The following EBF3 variants were observed in gnomAD, a reference collection of about 807,000 sequenced individuals.
EBF3 encodes EBF transcription factor 3, also known as transcription factor COE3.
A neutral mutation model predicts 77.1 loss-of-function variants in EBF3; 18 were observed. The observed-to-expected ratio is 0.23, with a 90% CI of 0.16 to 0.35. The LOEUF is 0.35. Ranked by LOEUF, EBF3 falls within the 10% of genes least tolerant of loss-of-function variation. The probability of loss-of-function intolerance (pLI) is 1.00; values close to 1 mark genes in which losing one functional copy is unlikely to be tolerated. For missense variants in EBF3, 558 were observed against 860.0 expected (o/e 0.65, Z 4.39); for synonymous variants, 350 against 343.5 (o/e 1.02, Z -0.21).
intron 15 of EBF3, 125 bp from the exon 16 acceptor site, chr10:129,839,320 G>A (rs1219934216): frequency 7.1e-6 from 3 of 422,410 alleles, no homozygotes; most frequent in South Asian, 1.8e-5. Flanking sequence ...GCCAGATGAC[G>A]GCCACTTAAT....
rs979756117 is a variant in EBF3, at chr10:129,835,391, C to T, written c.*2552G>A. On this transcript the variant is annotated 3_prime_UTR_variant, in exon 17 of 17. Transcript: ENST00000440978. ...AGATAAAACAATCTTATTGTAGGGT[C>T]TTTAACAGTAAAATCTACCATTTAG... The T allele has an allele frequency of 2.6e-5, 4 of 152,404 alleles. No individual in the cohort carries two copies. The highest frequency in any genetic ancestry group is 9.6e-5 in the African/African-American group (4 of 41,552). The allele number at this position is 152,404 out of a possible 1,614,324, so 9.4% of individuals were successfully genotyped here.
chr10:129,948,737 A>G (rs1279790420), intron 6 of EBF3, among the ~76,000 whole-genome samples: 1 of 152,162 alleles, frequency 6.6e-6, no homozygotes, highest in Non-Finnish European at 1.5e-5. Context: ...GCGTTATGAG[A>G]ACACCTTTAA....
Position 129,873,461 on chromosome 10 carries a change from G to A in EBF3, c.772C>T (p.Leu258=). The part of the protein sequence containing the change: ...DPSEGTAPSY[L]ENATPCIKAI... Reference sequence around the variant, plus strand: ...TGTAACATGTGCCTACCATTTTCCAGATAAGAAGGGGCCGTACCTTCTGAC... The same window carrying A: ...TGTAACATGTGCCTACCATTTTCCAAATAAGAAGGGGCCGTACCTTCTGAC... Residue 258 remains leucine, a synonymous_variant, in exon 8 of 17, where the codon CTG becomes TTG. Transcript: ENST00000440978. The A allele has an allele frequency of 6.5e-7, 1 of 1,534,774 alleles. No homozygotes were observed. The highest frequency in any genetic ancestry group is 8.8e-7 in the Non-Finnish European group (1 of 1,139,906).
chr10:129,918,558 C>T (rs932954621), intron 6 of EBF3, among the ~76,000 whole-genome samples: 3 of 152,226 alleles, frequency 2.0e-5, no homozygotes, highest in Non-Finnish European at 2.9e-5. Context: ...TGCCCTCCTC[C>T]GCACCACCAA....
At chr10:129,887,932 A>C (rs1036071858) in intron 6 of EBF3, among the ~76,000 whole-genome samples, 1 of 152,180 alleles carries the variant, frequency 6.6e-6, no homozygotes, top group South Asian at 2.1e-4. Flanking sequence ...TAAAACGTCC[A>C]GTAGGGAAGC....
In EBF3 at chr10:129,841,103, A is replaced by AGAATCTAT. The variant is rs1850021390; in HGVS notation, c.1373-79_1373-72dup. 1.3e-6 allele frequency: 2 copies of AGAATCTAT among 1,563,874 alleles called. No individual in the cohort carries two copies. The highest frequency in any genetic ancestry group is 1.7e-6 in the Non-Finnish European group (2 of 1,155,286). On this transcript the variant is annotated intron_variant, in intron 13 of 16. Coordinates refer to ENST00000440978, the MANE Select transcript of EBF3 (RefSeq NM_001375380.1). This position sits in a 1 kb window ranked among gnomAD's most constrained non-coding sequence, Gnocchi z 4.6. ...ACAGACACTTGGGGGGGGTTCCCCG[A>AGAATCTAT]GAATCTATATCATATATTAACATTG...
At chr10:129,951,027 A>G (rs1356164715) in intron 6 of EBF3, among the ~76,000 whole-genome samples, 1 of 152,190 alleles carries the variant, frequency 6.6e-6, no homozygotes, top group African/African-American at 2.4e-5. Flanking sequence ...ATTCTGATAA[A>G]TTATTCACCA....
In EBF3 at chr10:129,943,028, A is replaced by G. The variant is rs1158374356; in HGVS notation, c.554+14230T>C. 2.0e-5 allele frequency among the ~76,000 whole-genome samples: 3 copies of G among 152,194 alleles called. No homozygotes were observed. The highest frequency in any genetic ancestry group is 1.3e-4 in the Admixed American group (2 of 15,280). ...TGGGTGTTTTTCTCTGGATTCTAAG[A>G]GGAAGGTAGCAGATACAACCGATTC... On this transcript the variant is annotated intron_variant, in intron 6 of 16. Coordinates refer to ENST00000440978, the MANE Select transcript of EBF3 (RefSeq NM_001375380.1). This position sits in a 1 kb window ranked among gnomAD's most constrained non-coding sequence, Gnocchi z 8.8.
Position 129,867,863 on chromosome 10 carries a change from C to T in EBF3, c.831G>A (p.Gly277=). Residue 277 remains glycine, a synonymous_variant, in exon 9 of 17, where the codon GGG becomes GGA. Coordinates refer to ENST00000440978, the MANE Select transcript of EBF3 (RefSeq NM_001375380.1). ...AISPSEGWTT[G]GATVIIIGDN... ...CGCCAATTATGATGACGGTGGCACCCCCCGTGGTCCAGCCTTCACTGGGAC... is the reference window on the plus strand; with the variant it reads ...CGCCAATTATGATGACGGTGGCACCTCCCGTGGTCCAGCCTTCACTGGGAC... The T allele has an allele frequency of 1.2e-6, 2 of 1,614,262 alleles. No homozygotes were observed. Among genetic ancestry groups the T allele is most frequent in the South Asian group, 1.1e-5 (1 of 91,086 alleles).
At chr10:129,837,989 T>G (rs1269497100) in intron 16 of EBF3, 29 bp from the exon 17 acceptor site, 2 of 1,613,756 alleles carry the variant, frequency 1.2e-6, no homozygotes, top group African/African-American at 2.7e-5. Flanking sequence ...GAGCAGTTAC[T>G]GCAGGCTCCC....
Position 129,848,008 on chromosome 10 carries a change from G to T in EBF3, c.1128+384C>A, listed in dbSNP as rs1850595026. The stretch of plus-strand genomic sequence containing the variant: ...GTCAAGTAATCACAGATCAGACTGG[G>T]GCTGCTTAGATGGAAATCAGAGCAG... On this transcript the variant is annotated intron_variant, in intron 11 of 16. Transcript: ENST00000440978. This position sits in a 1 kb window ranked among gnomAD's most constrained non-coding sequence, Gnocchi z 4.4. Among the ~76,000 whole-genome samples the T allele has an allele frequency of 6.6e-6, 1 of 152,166 alleles. No homozygotes were observed.
chr10:129,948,479 C>A (rs1185294578), intron 6 of EBF3, among the ~76,000 whole-genome samples: 1 of 152,076 alleles, frequency 6.6e-6, no homozygotes, highest in African/African-American at 2.4e-5. Flanking sequence ...TGCCACGATG[C>A]GTTTGCCAAA....
Position 129,842,378 on chromosome 10 carries a change from T to A in EBF3, c.1195-85A>T, listed in dbSNP as rs1850136001. On this transcript the variant is annotated intron_variant, in intron 12 of 16. Coordinates refer to ENST00000440978, the MANE Select transcript of EBF3 (RefSeq NM_001375380.1). The surrounding 1 kb of genome is among the most constrained non-coding windows in gnomAD (Gnocchi z 4.4). ...CTCTCGGGGGCCCACCATGGTGGCA[T>A]CCCACTGTCCCTTGCCCAGACCATG... The A allele has an allele frequency of 2.1e-6, 3 of 1,454,606 alleles. No individual in the cohort carries two copies. The highest frequency in any genetic ancestry group is 4.6e-5 in the Admixed American group (2 of 43,430). 90.1% of individuals were successfully genotyped at this position (1,454,606 alleles called of 1,614,324 possible). A position where few individuals can be genotyped will look rare whatever the true frequency, so the allele number is the denominator to read the frequency against.
At chr10:129,953,031 T>TAA (rs560515814) in intron 6 of EBF3, among the ~76,000 whole-genome samples, 10 of 64,748 alleles carry the variant, frequency 1.5e-4, no homozygotes, top group South Asian at 1.3e-3. Flanking sequence ...CACTGTTGAC[T>TAA]AAAAAAAAAA....
chr10:129,870,618 G>A lies in EBF3; in HGVS notation c.782-2706C>T, dbSNP rs1326287202. Among the ~76,000 whole-genome samples the A allele has an allele frequency of 1.3e-5, 2 of 152,100 alleles. No individual in the cohort carries two copies. The highest frequency in any genetic ancestry group is 2.1e-4 in the South Asian group (1 of 4,808). On this transcript the variant is annotated intron_variant, in intron 8 of 16. Transcript: ENST00000440978. This position sits in a 1 kb window ranked among gnomAD's most constrained non-coding sequence, Gnocchi z 4.4. ...ATCCTCTCAGCTACTTGGGAGAAGA[G>A]GCGCTCACAAGGAACACCCTCTGCC...
chr10:129,940,615 C>G (rs1028392328), intron 6 of EBF3, among the ~76,000 whole-genome samples: 1 of 152,182 alleles, frequency 6.6e-6, no homozygotes, highest in Non-Finnish European at 1.5e-5. Context: ...CACTTAAAAC[C>G]ATGAGCTGCT....
Position 129,842,021 on chromosome 10 carries a change from C to A in EBF3, c.1372+95G>T. ...AGAGAACAGAACGCTACGGACATTC[C>A]CCAGCTGGCCCTGGACACGTGCCTC... On this transcript the variant is annotated intron_variant, in intron 13 of 16. Coordinates refer to ENST00000440978, the MANE Select transcript of EBF3 (RefSeq NM_001375380.1). This position sits in a 1 kb window ranked among gnomAD's most constrained non-coding sequence, Gnocchi z 4.4. The A allele has an allele frequency of 2.4e-5, 37 of 1,515,156 alleles. No homozygotes were observed. Among genetic ancestry groups the A allele is most frequent in the Non-Finnish European group, 3.3e-5 (36 of 1,104,552 alleles). 93.9% of individuals were successfully genotyped at this position (1,515,156 alleles called of 1,614,324 possible). A position where few individuals can be genotyped will look rare whatever the true frequency, so the allele number is the denominator to read the frequency against.
rs533250755 is a variant in EBF3 at position 129,870,596 on chromosome 10, C to T, written c.782-2684G>A. Among the ~76,000 whole-genome samples, 2 of 152,300 alleles carry T rather than the reference C, an allele frequency of 1.3e-5. No individual in the cohort carries two copies. Among genetic ancestry groups the T allele is most frequent in the East Asian group, 3.9e-4 (2 of 5,156 alleles). On this transcript the variant is annotated intron_variant, in intron 8 of 16. Coordinates refer to ENST00000440978, the MANE Select transcript of EBF3 (RefSeq NM_001375380.1). This position sits in a 1 kb window ranked among gnomAD's most constrained non-coding sequence, Gnocchi z 4.4. ...TGACCTGTTTTTAACTCTGAGGATC[C>T]TCTCAGCTACTTGGGAGAAGAGGCG...
intron 10 of EBF3, among the ~76,000 whole-genome samples, chr10:129,857,188 A>C (rs1053167070): frequency 6.6e-6 from 1 of 152,224 alleles, no homozygotes; most frequent in Non-Finnish European, 1.5e-5. Context: ...GAGACGCTTT[A>C]AAGACATCAC....
Sources: allele counts gnomAD v4.1 joint callset (sites outside exome capture counted in the v4.1 genomes callset), GRCh38; gene constraint gnomAD v4.1.1; non-coding constraint Gnocchi (gnomAD v3.1); transcripts MANE v1.5; gene names NCBI Gene and HGNC (gene_info 2026-07-23, HGNC 2026-07-21).